UFD1: variants seen among roughly 807,000 people sequenced by gnomAD.
The protein encoded by UFD1 is ubiquitin recognition factor in ER-associated degradation protein 1.
In UFD1, 13 loss-of-function variants were observed where a neutral mutation model predicts 45.9. The ratio of observed to expected loss-of-function variants is 0.28; its 90% CI spans 0.18 to 0.45. UFD1 has a LOEUF of 0.45. Among genes scored for constraint, UFD1 ranks in the 20% least tolerant of loss-of-function variants. The pLI, the probability that UFD1 is intolerant of heterozygous loss-of-function variation, is 1.00. For missense variants in UFD1, 218 were observed against 389.2 expected, an observed-to-expected ratio of 0.56 and a Z score of 3.70; for synonymous variants, 128 against 139.2, an observed-to-expected ratio of 0.92 and a Z score of 0.56.
intron 11 of UFD1, 89 bp downstream of exon 11, chr22:19,454,660 C>T: frequency 1.2e-6 from 2 of 1,600,022 alleles, no homozygotes; most frequent in Middle Eastern, 1.7e-4. Flanking sequence ...CTAATGCACA[C>T]CCCTACTCAG....
chr22:19,471,580 G>A, intron 4 of UFD1, 107 bp downstream of exon 4: 2 of 1,495,188 alleles, frequency 1.3e-6, no homozygotes, highest in East Asian at 2.3e-5. Flanking sequence ...AAGACGCTGA[G>A]CAGGAGGAGT....
intron 4 of UFD1, among the ~76,000 whole-genome samples, chr22:19,469,718 C>T (rs1040276381): frequency 1.3e-5 from 2 of 152,172 alleles, no homozygotes; most frequent in African/African-American, 4.8e-5. Flanking sequence ...GGCTCACATG[C>T]CCTCCAAGAC....
In UFD1 at chr22:19,479,161, G is replaced by A. The variant is rs1354667101; in HGVS notation, c.-76C>T. The A allele has an allele frequency of 6.4e-6, 10 of 1,565,714 alleles. No individual in the cohort carries two copies. Among genetic ancestry groups the A allele is most frequent in the African/African-American group, 1.4e-5 (1 of 73,356 alleles). On this transcript the variant is annotated 5_prime_UTR_variant, in exon 1 of 12. Coordinates refer to ENST00000263202, the MANE Select transcript of UFD1 (RefSeq NM_005659.7). ...AACCCCGCCGACCGCTCTCCCAGCC[G>A]CCGCTGCCGCTGCCGCCGCGCCAAG... is the stretch of plus-strand genomic sequence containing the variant.
Position 19,453,115 on chromosome 22 carries a change from C to T in UFD1, c.849+1634G>A, listed in dbSNP as rs1189623323. 32 of 985,288 alleles carry T rather than the reference C, an allele frequency of 3.2e-5. No individual in the cohort carries two copies. The East Asian group carries it at 7.9e-4, about 24-fold the overall frequency. The allele number at this position is 985,288 out of a possible 1,614,324, so 61.0% of individuals were successfully genotyped here. On this transcript the variant is annotated intron_variant, in intron 11 of 11. Coordinates refer to ENST00000263202, the MANE Select transcript of UFD1 (RefSeq NM_005659.7). ...TAGTAGTCTAGAGACCTACTGGAGT[C>T]GAGCCTCCAGCCTTCTGGGATGGGG...
intron 3 of UFD1, among the ~76,000 whole-genome samples, chr22:19,474,069 T>C (rs1011389518): frequency 7.2e-5 from 11 of 152,282 alleles, no homozygotes; most frequent in Admixed American, 2.6e-4. Flanking sequence ...GTTTCCAGGT[T>C]GCTCTCATGG....
At chr22:19,470,364 G>C (rs1454189875) in intron 4 of UFD1, among the ~76,000 whole-genome samples, 1 of 152,160 alleles carries the variant, frequency 6.6e-6, no homozygotes, top group African/African-American at 2.4e-5. Flanking sequence ...GGCTGAAGAG[G>C]ATGCCACTAC....
chr22:19,454,615 C>A, intron 11 of UFD1, 134 bp downstream of exon 11: 1 of 1,532,872 alleles, frequency 6.5e-7, no homozygotes, highest in Non-Finnish European at 8.8e-7. Context: ...ATTGCCCAGT[C>A]TCGGGTACAT....
At chr22:19,453,023 C>T (rs767654669) in intron 11 of UFD1, 1 of 983,414 alleles carries the variant, frequency 1.0e-6, no homozygotes, top group Non-Finnish European at 1.2e-6. Context: ...GCTGTTCTTC[C>T]CACAAATCCT....
In UFD1 at chr22:19,471,576, C is replaced by A. The variant is rs2089846018; in HGVS notation, c.291+111G>T. On this transcript the variant is annotated intron_variant, in intron 4 of 11. Coordinates refer to ENST00000263202, the MANE Select transcript of UFD1 (RefSeq NM_005659.7). ...CGCTGGGTCGGCTCAGGCTAAGACG[C>A]TGAGCAGGAGGAGTAGGCGGGGCCA... 2.0e-6 allele frequency: 3 copies of A among 1,482,392 alleles called. No individual in the cohort carries two copies. In the Admixed American group the frequency reaches 6.2e-5, roughly 31 times the overall value. The allele number at this position is 1,482,392 out of a possible 1,614,324, so 91.8% of individuals were successfully genotyped here.
chr22:19,469,561 C>T (rs976871032), intron 4 of UFD1, among the ~76,000 whole-genome samples: 83 of 152,198 alleles, frequency 5.5e-4, no homozygotes, highest in Admixed American at 4.9e-3. Flanking sequence ...ATGTCACAAA[C>T]GGCTAGTCCA....
intron 6 of UFD1, among the ~76,000 whole-genome samples, chr22:19,462,379 G>A (rs1406684919): frequency 3.3e-5 from 5 of 152,180 alleles, no homozygotes; most frequent in Non-Finnish European, 5.9e-5. Context: ...AAGAGAGTAA[G>A]TCTAGGCCAG....
At chr22:19,459,997 A>T (rs1202482293) in intron 6 of UFD1, among the ~76,000 whole-genome samples, 1 of 151,846 alleles carries the variant, frequency 6.6e-6, no homozygotes, top group East Asian at 1.9e-4. Context: ...TCAGCCTCCC[A>T]AAGTGCTGGG....
intron 5 of UFD1, 28 bp downstream of exon 5, chr22:19,467,842 TAGA>T: frequency 1.7e-5 from 27 of 1,612,616 alleles, no homozygotes; most frequent in Non-Finnish European, 2.3e-5. Context: ...CTCCTTTGTC[TAGA>T]AGAACTCCGC....
Position 19,450,707 on chromosome 22 carries a change from T to C in UFD1, c.887A>G (p.Glu296Gly). Reference protein sequence around the residue: ...AGGRFVAFSGEGQSLRKKGRK... With the variant: ...AGGRFVAFSGGGQSLRKKGRK... The stretch of plus-strand genomic sequence containing the variant: ...TCCCTTTTTACGCAATGACTGTCCT[T>C]CTCCAGAGAAAGCGACGAATCTGCC... Residue 296 changes from glutamate to glycine, a missense_variant, in exon 12 of 12, where the codon GAA becomes GGA. Around this residue, in one of 2 missense-constraint regions of UFD1, gnomAD observed 69 missense variants for 81.7 expected, o/e 0.84. Coordinates refer to ENST00000263202, the MANE Select transcript of UFD1 (RefSeq NM_005659.7). The C allele has an allele frequency of 1.2e-6, 2 of 1,614,124 alleles. No homozygotes were observed.
At chr22:19,453,977 C>T in intron 11 of UFD1, 2 of 985,644 alleles carry the variant, frequency 2.0e-6, no homozygotes, top group South Asian at 4.7e-5. Flanking sequence ...CAGTTGCTGC[C>T]AGGCCTGGCC....
intron 4 of UFD1, chr22:19,469,851 C>G: frequency 2.1e-6 from 1 of 483,330 alleles, no homozygotes. Context: ...AAGAGGCTTT[C>G]CAGGGGAGAA....
intron 5 of UFD1, chr22:19,465,656 A>C: frequency 4.6e-6 from 1 of 217,734 alleles, no homozygotes; most frequent in African/African-American, 2.3e-5. Flanking sequence ...GGGACATGGA[A>C]ATGTTCTGAT....
In UFD1 at chr22:19,456,921, G is replaced by A. The variant is rs2089727821; in HGVS notation, c.565-3C>T. On this transcript the variant is annotated splice_region_variant and splice_polypyrimidine_tract_variant and intron_variant, in intron 7 of 11. Coordinates refer to ENST00000263202, the MANE Select transcript of UFD1 (RefSeq NM_005659.7). ...CCCAGGGGAGCATCAAAGTCCACCTGTGTTTCCAGGATTTTAAAAGTAAAA... is the reference window on the plus strand; with the variant it reads ...CCCAGGGGAGCATCAAAGTCCACCTATGTTTCCAGGATTTTAAAAGTAAAA... 1 of 1,574,988 alleles carries A rather than the reference G, an allele frequency of 6.3e-7. No individual in the cohort carries two copies. Among genetic ancestry groups the A allele is most frequent in the Non-Finnish European group, 8.7e-7 (1 of 1,154,800 alleles).
rs759927165 is a variant in UFD1 at position 19,479,135 on chromosome 22, A to T, written c.-50T>A. ...GCTCCTCTCAGGCAATGCAACGAAG[A>T]AACCCCGCCGACCGCTCTCCCAGCC... On this transcript the variant is annotated 5_prime_UTR_variant, in exon 1 of 12. Coordinates refer to ENST00000263202, the MANE Select transcript of UFD1 (RefSeq NM_005659.7). The T allele has an allele frequency of 5.8e-5, 93 of 1,604,498 alleles. No homozygotes were observed. The highest frequency in any genetic ancestry group is 7.6e-5 in the Non-Finnish European group (89 of 1,176,530).
Sources: gnomAD v4.1 joint callset for allele counts (sites outside exome capture counted in the v4.1 genomes callset) on GRCh38, gnomAD v4.1.1 for gene constraint, gnomAD v4.1.1 regional missense constraint, MANE v1.5 for transcripts, NCBI Gene and HGNC (gene_info 2026-07-23, HGNC 2026-07-21) for gene names.